IARS1: variants seen among roughly 807,000 people sequenced by gnomAD.
The protein encoded by IARS1 is isoleucyl-tRNA synthetase 1, also known as isoleucine--tRNA ligase, cytoplasmic.
A neutral mutation model predicts 168.2 loss-of-function variants in IARS1; 124 were observed. That is an observed-to-expected ratio of 0.74 (90% CI 0.64 to 0.86). The LOEUF is 0.86. IARS1 is among the 40% of genes least tolerant of loss of function. The pLI is 0.00. For synonymous variants in IARS1, 532 were observed against 529.4 expected (o/e 1.00, Z -0.07); for missense variants, 1,452 against 1,515.8 (o/e 0.96, Z 0.70).
At chr9:92,276,654 A>G (rs1190367360) in intron 9 of IARS1, among the ~76,000 whole-genome samples, 1 of 152,242 alleles carries the variant, frequency 6.6e-6, no homozygotes, top group East Asian at 1.9e-4. Context: ...CACACGGAAC[A>G]GAAACAACTG....
rs770547266 is a variant in IARS1, at chr9:92,256,663, G to C, written c.2137+17C>G. 2 of 1,612,654 alleles carry C rather than the reference G, an allele frequency of 1.2e-6. No homozygotes were observed. The highest frequency in any genetic ancestry group is 1.1e-5 in the South Asian group (1 of 90,894). ...AATAGTCCTTATTCCTGGGAGGACA[G>C]ACCAAGAGAGACTCACCTGCCATTT... On this transcript the variant is annotated intron_variant, in intron 20 of 33. Transcript: ENST00000443024.
intron 29 of IARS1, among the ~76,000 whole-genome samples, chr9:92,241,470 C>T (rs1036509501): frequency 2.0e-5 from 3 of 152,086 alleles, no homozygotes; most frequent in East Asian, 1.9e-4. Context: ...CTCAGCCTCC[C>T]GAGTAGCTGG....
intron 14 of IARS1, 102 bp from the exon 15 acceptor site, chr9:92,265,655 T>C: frequency 1.0e-6 from 1 of 971,948 alleles, no homozygotes; most frequent in Admixed American, 1.8e-5. Flanking sequence ...GACTGATGAT[T>C]TTCTTTTTCC....
chr9:92,214,677 T>C (rs1252517582), intron 33 of IARS1, among the ~76,000 whole-genome samples: 4 of 151,876 alleles, frequency 2.6e-5, no homozygotes, highest in Admixed American at 6.6e-5. Context: ...ACCTGGAAAA[T>C]TGGGTCACTC....
chr9:92,283,866 T>C (rs1835026830), intron 6 of IARS1, among the ~76,000 whole-genome samples: 1 of 152,112 alleles, frequency 6.6e-6, no homozygotes, highest in Non-Finnish European at 1.5e-5. Flanking sequence ...AATTACATAA[T>C]TTGAGAATAT....
chr9:92,220,384 A>T (rs1021748715), intron 33 of IARS1, among the ~76,000 whole-genome samples: 1 of 151,102 alleles, frequency 6.6e-6, no homozygotes, highest in African/African-American at 2.4e-5. Flanking sequence ...AACCTGCACA[A>T]TGTGCACATG....
chr9:92,251,211 T>C (rs573020214), intron 22 of IARS1: 6 of 461,054 alleles, frequency 1.3e-5, no homozygotes, highest in Admixed American at 9.4e-5. Context: ...AGATCAGGCA[T>C]GGAGAGCACC....
chr9:92,222,486 A>C (rs894783601), intron 33 of IARS1, 34 bp downstream of exon 33: 13 of 1,601,086 alleles, frequency 8.1e-6, no homozygotes, highest in Non-Finnish European at 1.1e-5. Context: ...ACTTTCAACA[A>C]AAATAAAAAA....
chr9:92,241,195 A>G (rs1828349121), intron 29 of IARS1, among the ~76,000 whole-genome samples: 1 of 152,204 alleles, frequency 6.6e-6, no homozygotes, highest in South Asian at 2.1e-4. Context: ...ATAATTACAC[A>G]ATATGCAAAA....
At chr9:92,284,743 T>C (rs1291278556) in intron 6 of IARS1, among the ~76,000 whole-genome samples, 1 of 152,148 alleles carries the variant, frequency 6.6e-6, no homozygotes, top group Non-Finnish European at 1.5e-5. Flanking sequence ...CACTCTAGCC[T>C]GGGCGACAGA....
At chr9:92,212,173 G>T (rs925417099) in intron 33 of IARS1, among the ~76,000 whole-genome samples, 24 of 152,136 alleles carry the variant, frequency 1.6e-4, no homozygotes, top group Non-Finnish European at 1.2e-4. Context: ...GATGTTTAGA[G>T]TTTAGTGGAG....
chr9:92,234,711 AGCAGTTCAGGGAACCAT>A (rs1827223382), intron 30 of IARS1, among the ~76,000 whole-genome samples: 1 of 152,214 alleles, frequency 6.6e-6, no homozygotes, highest in South Asian at 2.1e-4. Context: ...GAAGTTGCAA[AGCAGTTCAGGGAACCAT>A]GTACTGTCTG....
intron 30 of IARS1, among the ~76,000 whole-genome samples, chr9:92,239,061 G>A (rs532017699): frequency 6.6e-6 from 1 of 152,258 alleles, no homozygotes; most frequent in East Asian, 1.9e-4. Flanking sequence ...GAACCACATC[G>A]AACAATGATA....
At chr9:92,271,289 A>G (rs1832990978) in intron 11 of IARS1, among the ~76,000 whole-genome samples, 1 of 152,210 alleles carries the variant, frequency 6.6e-6, no homozygotes, top group Non-Finnish European at 1.5e-5. Flanking sequence ...CCCCAAGGTC[A>G]CAAAGGTGCT....
At chr9:92,254,271 G>A (rs1303249801) in intron 20 of IARS1, among the ~76,000 whole-genome samples, 3 of 152,198 alleles carry the variant, frequency 2.0e-5, no homozygotes, top group African/African-American at 7.2e-5. Flanking sequence ...AGGGTGTTTA[G>A]CCAATTGTCT....
At chr9:92,270,054 T>A (rs1475214169) in intron 12 of IARS1, 71 bp from the exon 13 acceptor site, 2 of 893,928 alleles carry the variant, frequency 2.2e-6, no homozygotes, top group Non-Finnish European at 3.8e-6. Flanking sequence ...GACTGACTTT[T>A]CATGTCTTAT....
intron 8 of IARS1, 62 bp from the exon 9 acceptor site, chr9:92,277,985 A>ATATT: frequency 6.7e-7 from 1 of 1,483,128 alleles, no homozygotes; most frequent in Non-Finnish European, 9.4e-7. Context: ...CTGCAGCCAC[A>ATATT]TCAAGCTACC....
At chr9:92,256,616 T>C (rs1830760447) in intron 20 of IARS1, 64 bp downstream of exon 20, 9 of 1,454,240 alleles carry the variant, frequency 6.2e-6, no homozygotes, top group Non-Finnish European at 7.5e-6. Context: ...CTATTAAATA[T>C]CAAAAGGGCA....
At chr9:92,216,797 G>A (rs1393041757) in intron 33 of IARS1, among the ~76,000 whole-genome samples, 2 of 114,080 alleles carry the variant, frequency 1.8e-5, no homozygotes, top group Non-Finnish European at 3.6e-5. Flanking sequence ...CCTACAAAGA[G>A]ACTTAGACTC....
Sources: allele counts gnomAD v4.1 joint callset (sites outside exome capture counted in the v4.1 genomes callset), GRCh38; gene constraint gnomAD v4.1.1; transcripts MANE v1.5; gene names NCBI Gene and HGNC (gene_info 2026-07-23, HGNC 2026-07-21).